EIF2D: variants seen among roughly 807,000 people sequenced by gnomAD.
EIF2D encodes hepatocellular carcinoma-associated antigen 56.
Under a neutral mutation model 77.4 loss-of-function variants are expected in EIF2D, and 56 were observed. That is an observed-to-expected ratio of 0.72 (90% CI 0.58 to 0.90). The LOEUF (loss-of-function observed/expected upper bound fraction) is 0.90, where lower values mean the gene tolerates loss of function less well. Among genes scored for constraint, EIF2D ranks in the 40% least tolerant of loss-of-function variants. The probability of loss-of-function intolerance (pLI) is 0.00; values close to 1 mark genes in which losing one functional copy is unlikely to be tolerated. For synonymous variants in EIF2D, 230 were observed against 271.0 expected (o/e 0.85, Z 1.49); for missense variants, 574 against 706.5 (o/e 0.81, Z 2.13).
At chr1:206,580,133 G>A (rs1020682608) in intron 4 of EIF2D, among the ~76,000 whole-genome samples, 8 of 152,298 alleles carry the variant, frequency 5.3e-5, no homozygotes, top group South Asian at 2.1e-4. Flanking sequence ...TCACTTCCCC[G>A]CGTTTGTGGT....
chr1:206,572,873 G>A (rs146716964), intron 4 of EIF2D, among the ~76,000 whole-genome samples: 90 of 152,304 alleles, frequency 5.9e-4, no homozygotes, highest in African/African-American at 2.0e-3. Context: ...TAGGACCCAT[G>A]AAAGTCATAA....
In EIF2D at chr1:206,602,994, G is replaced by A; in HGVS notation, c.741C>T (p.Thr247=). Residue 247 remains threonine (T), a synonymous_variant, in exon 6 of 15, where the codon ACC becomes ACT. Transcript: ENST00000271764. ...SLSEAPEDTS[T]RGLNQDSTDS... is the part of the protein sequence containing the mutation. Reference sequence around the variant, plus strand: ...CTGTGGAGTCTTGGTTCAGGCCCCTGGTGCTGGTGTCTTCTGGGGCTTCTG... The same window carrying A: ...CTGTGGAGTCTTGGTTCAGGCCCCTAGTGCTGGTGTCTTCTGGGGCTTCTG... The A allele has an allele frequency of 6.2e-7, 1 of 1,614,136 alleles. No individual in the cohort carries two copies.
chr1:206,605,572 C>A, intron 4 of EIF2D, 65 bp from the exon 5 acceptor site: 1 of 1,342,808 alleles, frequency 7.4e-7, no homozygotes, highest in Non-Finnish European at 1.1e-6. Flanking sequence ...ATGTTAGGAT[C>A]ATCTTCTGAC....
At chr1:206,573,022 A>G (rs983210350) in intron 4 of EIF2D, among the ~76,000 whole-genome samples, 1 of 152,222 alleles carries the variant, frequency 6.6e-6, no homozygotes, top group Non-Finnish European at 1.5e-5. Context: ...GATGATCATG[A>G]TCATGATGAT....
Position 206,584,701 on chromosome 1 carries a change from A to T in EIF2D, c.139-3539T>A. On this transcript the variant is annotated intron_variant and NMD_transcript_variant, in intron 2 of 5. Transcript: ENST00000472709. The surrounding 1 kb of genome is among the most constrained non-coding windows in gnomAD (Gnocchi z 4.9). ...ACGGACAAGGTAGGAGAAAGAGTGA[A>T]CCCAACCAGACCGTTCCCTTCCTAC... 1.2e-6 allele frequency: 2 copies of T among 1,613,838 alleles called. No individual in the cohort carries two copies. Among genetic ancestry groups the T allele is most frequent in the Non-Finnish European group, 1.7e-6 (2 of 1,179,830 alleles).
intron 3 of EIF2D, 85 bp from the exon 4 acceptor site, chr1:206,608,411 C>T: frequency 9.0e-7 from 1 of 1,116,808 alleles, no homozygotes. Flanking sequence ...ACTCGCTCAA[C>T]AAAAAAATAG....
At chr1:206,570,078 CTTTTT>C (rs375900760), downstream of EIF2D, among the ~76,000 whole-genome samples, 1 of 119,378 alleles carries the variant, frequency 8.4e-6, no homozygotes, top group Non-Finnish European at 1.7e-5. Flanking sequence ...TAAAATTTAC[CTTTTT>C]TTTTTTTTTT....
chr1:206,593,394 AT>A (rs1486597722), intron 14 of EIF2D, among the ~76,000 whole-genome samples: 3 of 151,974 alleles, frequency 2.0e-5, no homozygotes, highest in African/African-American at 4.8e-5. Flanking sequence ...AAAACACTGA[AT>A]TTGGAAGGAG....
Position 206,584,480 on chromosome 1 carries a change from T to C in EIF2D, c.139-3318A>G. Reference sequence around the variant, plus strand: ...TGCTGGGATCCGGCCCCAGTCCATCTATGATGCCATCAAGGAGGTGAACCT... The same window carrying C: ...TGCTGGGATCCGGCCCCAGTCCATCCATGATGCCATCAAGGAGGTGAACCT... On this transcript the variant is annotated intron_variant and NMD_transcript_variant, in intron 2 of 5. Coordinates refer to the EIF2D transcript ENST00000472709. The surrounding 1 kb of genome is among the most constrained non-coding windows in gnomAD (Gnocchi z 4.9). 6.2e-7 allele frequency: 1 copy of C among 1,614,140 alleles called. No individual in the cohort carries two copies. The highest frequency in any genetic ancestry group is 8.5e-7 in the Non-Finnish European group (1 of 1,180,016).
chr1:206,590,571 G>A (rs1448076910), downstream of EIF2D, among the ~76,000 whole-genome samples: 2 of 152,140 alleles, frequency 1.3e-5, no homozygotes, highest in Non-Finnish European at 2.9e-5. Flanking sequence ...CCCTTTCCTA[G>A]TTTCATATGC....
At chr1:206,604,183 C>A (rs1200377929) in intron 5 of EIF2D, among the ~76,000 whole-genome samples, 1 of 152,180 alleles carries the variant, frequency 6.6e-6, no homozygotes, top group Non-Finnish European at 1.5e-5. Flanking sequence ...TGGCTCACGC[C>A]TGTAATCTCA....
intron 2 of EIF2D, among the ~76,000 whole-genome samples, chr1:206,610,694 G>A (rs1357912713): frequency 6.6e-6 from 1 of 152,222 alleles, no homozygotes; most frequent in South Asian, 2.1e-4. Flanking sequence ...GGTGGCGGGT[G>A]CCTGTAGTTC....
Position 206,584,643 on chromosome 1 carries a change from A to G in EIF2D, c.139-3481T>C. ...AAGTTCATGGTTGTGGACAATCCCC[A>G]GAAGTTTGCACTTTTTAAGCGGATA... On this transcript the variant is annotated intron_variant and NMD_transcript_variant, in intron 2 of 5. Coordinates refer to the EIF2D transcript ENST00000472709. The surrounding 1 kb of genome is among the most constrained non-coding windows in gnomAD (Gnocchi z 4.9). 6.2e-7 allele frequency: 1 copy of G among 1,614,240 alleles called. No individual in the cohort carries two copies. Among genetic ancestry groups the G allele is most frequent in the Non-Finnish European group, 8.5e-7 (1 of 1,180,046 alleles).
At chr1:206,574,210 T>C (rs2103556412) in intron 4 of EIF2D, among the ~76,000 whole-genome samples, 1 of 152,344 alleles carries the variant, frequency 6.6e-6, no homozygotes, top group South Asian at 2.1e-4. Context: ...CTCTGGGGCA[T>C]GCTGGCAACC....
intron 3 of EIF2D, among the ~76,000 whole-genome samples, chr1:206,609,063 A>C (rs1441115076): frequency 6.6e-6 from 1 of 152,168 alleles, no homozygotes; most frequent in African/African-American, 2.4e-5. Flanking sequence ...AAAAAAAAAA[A>C]ATAAAAAAAG....
chr1:206,583,052 G>A (rs1668954462), intron 2 of EIF2D: 4 of 497,442 alleles, frequency 8.0e-6, no homozygotes, highest in South Asian at 6.1e-5. Context: ...CTGAGGCTTA[G>A]AGAAATCTGA....
In EIF2D at chr1:206,599,092, C is replaced by T. The variant is rs782547807; in HGVS notation, c.1203G>A (p.Lys401=). 1 of 1,614,004 alleles carries T rather than the reference C, an allele frequency of 6.2e-7. No individual in the cohort carries two copies. The highest frequency in any genetic ancestry group is 8.5e-7 in the Non-Finnish European group (1 of 1,179,934). The change falls in exon 11 of 15, where the codon AAG becomes AAA. Residue 401 remains lysine (K), a splice_region_variant and synonymous_variant. Transcript: ENST00000271764. This position sits in a 1 kb window ranked among gnomAD's most constrained non-coding sequence, Gnocchi z 4.1. ...MTLLFQESGH[K]KGSFLEGSEV... ...CACTGCCCTCCAGAAAGCTCCCCTT[C>T]CTAGGTGAGGAGAAGTGACCCAGGG...
chr1:206,611,122 AGAAGCAGAT>A, intron 2 of EIF2D, 53 bp downstream of exon 2: 1 of 1,457,780 alleles, frequency 6.9e-7, no homozygotes, highest in Non-Finnish European at 9.3e-7. Flanking sequence ...AGAAACAGAG[AGAAGCAGAT>A]GTTAGGCAAG....
At position 206,584,496 on chromosome 1, in the gene EIF2D, A is replaced by T. The variant is rs1553407102; in HGVS notation, c.139-3334T>A. The stretch of plus-strand genomic sequence containing the variant: ...CAGTCCATCTATGATGCCATCAAGG[A>T]GGTGAACCTGGCGGCTACCACGGAC... On this transcript the variant is annotated intron_variant and NMD_transcript_variant, in intron 2 of 5. Coordinates refer to the EIF2D transcript ENST00000472709. This position sits in a 1 kb window ranked among gnomAD's most constrained non-coding sequence, Gnocchi z 4.9. 6.2e-7 allele frequency: 1 copy of T among 1,614,076 alleles called. No homozygotes were observed. Among genetic ancestry groups the T allele is most frequent in the African/African-American group, 1.3e-5 (1 of 75,004 alleles).
Sources: gnomAD v4.1 joint callset for allele counts (sites outside exome capture counted in the v4.1 genomes callset) on GRCh38, gnomAD v4.1.1 for gene constraint, Gnocchi (gnomAD v3.1) non-coding constraint, MANE v1.5 for transcripts, NCBI Gene and HGNC (gene_info 2026-07-23, HGNC 2026-07-21) for gene names.